Variants in PCDH15 observed in about 807,000 individuals in gnomAD.
The protein encoded by PCDH15 is protocadherin related 15.
PCDH15 carries 129 observed loss-of-function variants against 178.5 expected under a neutral mutation model. The ratio of observed to expected loss-of-function variants is 0.72; its 90% CI spans 0.63 to 0.84. The LOEUF is 0.84. Among genes scored for constraint, PCDH15 ranks in the 40% least tolerant of loss-of-function variants. PCDH15 has a pLI of 0.00. For missense variants in PCDH15, 2,230 were observed against 2,099.9 expected (o/e 1.06, Z -1.21); for synonymous variants, 800 against 732.0 (o/e 1.09, Z -1.50).
intron 2 of PCDH15, among the ~76,000 whole-genome samples, chr10:54,974,104 C>T (rs796663655): frequency 1.2e-4 from 18 of 150,564 alleles, no homozygotes; most frequent in African/African-American, 4.1e-4. Flanking sequence ...CACATACAGA[C>T]ACACACACAC....
At chr10:55,241,871 T>C (rs910757593) in intron 1 of PCDH15, among the ~76,000 whole-genome samples, 1 of 152,220 alleles carries the variant, frequency 6.6e-6, no homozygotes, top group African/African-American at 2.4e-5. Flanking sequence ...TAGTATTCAT[T>C]AGAAACCCTA....
At chr10:55,113,645 A>G (rs956666643) in intron 2 of PCDH15, among the ~76,000 whole-genome samples, 2 of 152,142 alleles carry the variant, frequency 1.3e-5, no homozygotes, top group Non-Finnish European at 2.9e-5. Context: ...TAACTTATCT[A>G]ATTATATGCA....
chr10:55,055,268 T>G (rs1226943023), intron 2 of PCDH15, among the ~76,000 whole-genome samples: 2 of 152,134 alleles, frequency 1.3e-5, no homozygotes, highest in Non-Finnish European at 2.9e-5. Context: ...GAAAAATAAG[T>G]CTTTTAATGA....
chr10:54,743,176 G>A (rs1293604823), intron 1 of PCDH15, among the ~76,000 whole-genome samples: 5 of 151,928 alleles, frequency 3.3e-5, no homozygotes, highest in African/African-American at 9.7e-5. Flanking sequence ...GAAGATAAAT[G>A]TTCCTGGATA....
intron 3 of PCDH15, among the ~76,000 whole-genome samples, chr10:54,465,536 T>G (rs2077461076): frequency 6.6e-6 from 1 of 152,036 alleles, no homozygotes; most frequent in Non-Finnish European, 1.5e-5. Context: ...CATAATGACC[T>G]CCATTTTACC....
chr10:54,775,181 C>T (rs1031685204), intron 1 of PCDH15, among the ~76,000 whole-genome samples: 1 of 152,062 alleles, frequency 6.6e-6, no homozygotes, highest in Non-Finnish European at 1.5e-5. Context: ...TAATAAATAC[C>T]TGTGGGAAAA....
At chr10:55,041,942 T>C (rs1025295361) in intron 2 of PCDH15, among the ~76,000 whole-genome samples, 1 of 152,144 alleles carries the variant, frequency 6.6e-6, no homozygotes, top group African/African-American at 2.4e-5. Context: ...ACTGTCTCAT[T>C]TAACTGAACA....
rs531673123 is a variant in PCDH15, at chr10:54,917,802, T to C, written c.-79-20302A>G. Among the ~76,000 whole-genome samples the C allele has an allele frequency of 7.9e-5, 12 of 152,332 alleles. 1 individual carries two copies. In the South Asian group the frequency reaches 2.3e-3, roughly 29 times the overall value. On this transcript the variant is annotated intron_variant, in intron 2 of 5. Coordinates refer to the PCDH15 transcript ENST00000458638. ...CTCTGTGAATGTAACTGAATCTGTGTTTCCTTGACAAATTTGTGCACTAAG... is the reference window on the plus strand; with the variant it reads ...CTCTGTGAATGTAACTGAATCTGTGCTTCCTTGACAAATTTGTGCACTAAG...
chr10:55,244,999 CT>C (rs1002018133), intron 1 of PCDH15, among the ~76,000 whole-genome samples: 37 of 151,774 alleles, frequency 2.4e-4, no homozygotes, highest in African/African-American at 7.7e-4. Context: ...GAAGGTTCTT[CT>C]TTTTTTTGAA....
chr10:55,327,590 A>C (rs1201371307), intron 2 of PCDH15, among the ~76,000 whole-genome samples: 2 of 152,100 alleles, frequency 1.3e-5, no homozygotes, highest in Non-Finnish European at 2.9e-5. Flanking sequence ...AATGTACTTT[A>C]ATGAGTCAAA....
At chr10:54,315,681 A>G (rs1195857142) in intron 8 of PCDH15, among the ~76,000 whole-genome samples, 3 of 149,740 alleles carry the variant, frequency 2.0e-5, no homozygotes, top group Non-Finnish European at 4.4e-5. Context: ...TTAAGTCTTT[A>G]ATCCATCTTG....
intron 30 of PCDH15, 73 bp from the exon 31 acceptor site, chr10:53,828,646 C>G: frequency 8.4e-7 from 1 of 1,187,410 alleles, no homozygotes; most frequent in Non-Finnish European, 1.2e-6. Flanking sequence ...ATTTTAACAT[C>G]TGATTTATTC....
intron 11 of PCDH15, 21 bp downstream of exon 11, chr10:54,195,662 C>G: frequency 6.3e-7 from 1 of 1,594,266 alleles, no homozygotes; most frequent in Non-Finnish European, 8.6e-7. Context: ...CAAACAAGAG[C>G]AAAATATGTA....
chr10:55,570,611 T>C (rs1403502491), intron 2 of PCDH15, among the ~76,000 whole-genome samples: 2 of 152,040 alleles, frequency 1.3e-5, no homozygotes, highest in Non-Finnish European at 2.9e-5. Flanking sequence ...TATATGACTT[T>C]TAAGAATGTC....
intron 2 of PCDH15, among the ~76,000 whole-genome samples, chr10:55,570,338 TTTAGAGC>T (rs1286548634): frequency 6.6e-6 from 1 of 152,020 alleles, no homozygotes; most frequent in Non-Finnish European, 1.5e-5. Context: ...CTGTTCACAT[TTTAGAGC>T]TAGTCTTCAT....
At chr10:55,562,325 T>C (rs1345787596) in intron 2 of PCDH15, among the ~76,000 whole-genome samples, 1 of 152,018 alleles carries the variant, frequency 6.6e-6, no homozygotes, top group Non-Finnish European at 1.5e-5. Flanking sequence ...ATTATAAGGA[T>C]GAATTCAATT....
intron 5 of PCDH15, among the ~76,000 whole-genome samples, chr10:54,358,742 C>T (rs61855474): frequency 0.2 from 30,167 of 151,808 alleles, 3,053 homozygotes; most frequent in Admixed American, 0.23. Context: ...TTCACAATAG[C>T]AAAGACTTGG....
At chr10:54,829,376 C>G (rs1200270375) in intron 3 of PCDH15, among the ~76,000 whole-genome samples, 1 of 151,864 alleles carries the variant, frequency 6.6e-6, no homozygotes, top group Non-Finnish European at 1.5e-5. Context: ...AACAAAAAGG[C>G]CATACTGGTG....
At position 53,807,144 on chromosome 10, in the gene PCDH15, C is replaced by CAAAAATATGTGAGTCACTATCAAATAA. The variant is rs750784146; in HGVS notation, c.4672-41_4672-15dup. On this transcript the variant is annotated splice_polypyrimidine_tract_variant and intron_variant, in intron 37 of 37. Coordinates refer to ENST00000644397, the MANE Select transcript of PCDH15 (RefSeq NM_001384140.1). ...TTTTCTTGCCCACTGATAAAATAAA[C>CAAAAATATGTGAGTCACTATCAAATAA]AAAAATATGTGAGTCACTATCAAAT... 1.9e-6 allele frequency: 3 copies of CAAAAATATGTGAGTCACTATCAAATAA among 1,560,650 alleles called. No homozygotes were observed. In the African/African-American group the frequency reaches 4.1e-5, roughly 21 times the overall value.
Sources: gnomAD v4.1 joint callset for allele counts (sites outside exome capture counted in the v4.1 genomes callset) on GRCh38, gnomAD v4.1.1 for gene constraint, MANE v1.5 for transcripts, NCBI Gene and HGNC (gene_info 2026-07-23, HGNC 2026-07-21) for gene names.